Variants in MYO1H observed in about 807,000 individuals in gnomAD.
MYO1H encodes unconventional myosin-Ih.
Under a neutral mutation model 149.3 loss-of-function variants are expected in MYO1H, and 118 were observed. The observed-to-expected ratio is 0.79, with a 90% CI of 0.68 to 0.92. The LOEUF is 0.92. Among genes scored for constraint, MYO1H ranks in the 40% least tolerant of loss-of-function variants. The pLI is 0.00. For missense variants in MYO1H, 1,212 were observed against 1,280.7 expected, an observed-to-expected ratio of 0.95 and a Z score of 0.82; for synonymous variants, 447 against 465.2, an observed-to-expected ratio of 0.96 and a Z score of 0.50.
At chr12:109,429,719 G>A (rs538780795) in intron 19 of MYO1H, among the ~76,000 whole-genome samples, 10 of 152,196 alleles carry the variant, frequency 6.6e-5, no homozygotes, top group Non-Finnish European at 1.3e-4. Context: ...GTGAATCCAG[G>A]TAAGGGGAAA....
chr12:109,406,996 G>T (rs1260517623), intron 9 of MYO1H, 136 bp downstream of exon 9: 3 of 702,980 alleles, frequency 4.3e-6, no homozygotes, highest in African/African-American at 3.5e-5. Flanking sequence ...TCCAGCTCCT[G>T]TGGAGTGTCC....
At chr12:109,349,704 TA>T (rs1437755674) in intron 1 of MYO1H, among the ~76,000 whole-genome samples, 3 of 149,640 alleles carry the variant, frequency 2.0e-5, no homozygotes, top group African/African-American at 7.4e-5. Flanking sequence ...CTCATGCCTG[TA>T]ATCCCAGCAC....
the MYO1H span, among the ~76,000 whole-genome samples, chr12:109,336,664 T>G: frequency 6.6e-6 from 1 of 152,210 alleles, no homozygotes; most frequent in Non-Finnish European, 1.5e-5. Context: ...AATGAACTGT[T>G]GTCAGAGTGC....
chr12:109,350,986 C>A (rs1366054721), intron 1 of MYO1H, among the ~76,000 whole-genome samples: 1 of 99,064 alleles, frequency 1.0e-5, no homozygotes, highest in Non-Finnish European at 2.1e-5. Flanking sequence ...ATTTATGGAA[C>A]AACCACCATC....
the MYO1H span, among the ~76,000 whole-genome samples, chr12:109,342,569 G>A: frequency 3.3e-4 from 43 of 131,874 alleles, no homozygotes; most frequent in Non-Finnish European, 3.6e-4. Flanking sequence ...TTGAGACAGC[G>A]TCATGCTCTG....
the MYO1H span, among the ~76,000 whole-genome samples, chr12:109,339,457 T>C: frequency 1.3e-5 from 2 of 152,224 alleles, no homozygotes; most frequent in Non-Finnish European, 2.9e-5. Flanking sequence ...GGCAGAGTCC[T>C]TGATGAACAA....
At chr12:109,359,555 A>T (rs1259700875) in intron 1 of MYO1H, 1 of 152,144 alleles carries the variant, frequency 6.6e-6, no homozygotes, top group Non-Finnish European at 1.5e-5. Flanking sequence ...AGAACGCCCC[A>T]GCCCCTTATA....
At chr12:109,442,374 TGCAGCTGG>T (rs1872175300) in intron 27 of MYO1H, 102 bp downstream of exon 27, 1 of 968,326 alleles carries the variant, frequency 1.0e-6, no homozygotes, top group East Asian at 2.5e-5. Flanking sequence ...AATGCAGGGG[TGCAGCTGG>T]GCAGCTGGGG....
At chr12:109,420,643 C>T (rs1306510248) in intron 15 of MYO1H, among the ~76,000 whole-genome samples, 1 of 152,170 alleles carries the variant, frequency 6.6e-6, no homozygotes. Context: ...GCCCCTCTTC[C>T]AACATTGGGG....
upstream of MYO1H, among the ~76,000 whole-genome samples, chr12:109,343,159 T>A (rs994775308): frequency 5.9e-5 from 9 of 152,200 alleles, no homozygotes; most frequent in Non-Finnish European, 1.3e-4. Flanking sequence ...GTCGAAAATA[T>A]GTAGTATCAC....
At chr12:109,443,286 G>A (rs991797884) in intron 27 of MYO1H, among the ~76,000 whole-genome samples, 4 of 57,056 alleles carry the variant, frequency 7.0e-5, no homozygotes, top group Non-Finnish European at 1.5e-4. Context: ...ATATGTGTAC[G>A]TATATATGTG....
At chr12:109,421,767 G>A (rs918810185) in intron 16 of MYO1H, among the ~76,000 whole-genome samples, 2 of 152,100 alleles carry the variant, frequency 1.3e-5, no homozygotes, top group African/African-American at 2.4e-5. Flanking sequence ...GGCTGCCGAC[G>A]GAATTCCCAA....
In MYO1H at chr12:109,404,477, G is replaced by A. The variant is rs939686259; in HGVS notation, c.849+397G>A. Among the ~76,000 whole-genome samples, 6 of 152,150 alleles carry A rather than the reference G, an allele frequency of 3.9e-5. No individual in the cohort carries two copies. The East Asian group carries it at 5.8e-4, about 15-fold the overall frequency. On this transcript the variant is annotated intron_variant, in intron 7 of 31. Transcript: ENST00000310903. Reference sequence around the variant, plus strand: ...AGCCTGGGTGACAGAGCGAGACTGCGTCTCAAAAAAACAAAACCAAAAGCA... The same window carrying A: ...AGCCTGGGTGACAGAGCGAGACTGCATCTCAAAAAAACAAAACCAAAAGCA...
At chr12:109,379,729 CTTTT>C (rs35773327) in intron 1 of MYO1H, among the ~76,000 whole-genome samples, 1 of 103,464 alleles carries the variant, frequency 9.7e-6, no homozygotes, top group Non-Finnish European at 1.9e-5. Flanking sequence ...CAATTTTAAC[CTTTT>C]TTTTTTTTTT....
At chr12:109,359,908 T>G (rs1868703750) in intron 1 of MYO1H, among the ~76,000 whole-genome samples, 1 of 152,210 alleles carries the variant, frequency 6.6e-6, no homozygotes, top group South Asian at 2.1e-4. Flanking sequence ...AAGGAATGTT[T>G]GAACTCGGGA....
intron 22 of MYO1H, among the ~76,000 whole-genome samples, chr12:109,437,409 A>C (rs144480369): frequency 1.1e-3 from 160 of 152,330 alleles, no homozygotes; most frequent in African/African-American, 3.7e-3. Context: ...TTTGAAATTC[A>C]ACCAGGAGAT....
At chr12:109,420,815 C>G (rs930303605) in intron 15 of MYO1H, among the ~76,000 whole-genome samples, 166 bp from the exon 16 acceptor site, 3 of 152,140 alleles carry the variant, frequency 2.0e-5, no homozygotes, top group African/African-American at 7.2e-5. Context: ...CAGCCCCCAC[C>G]ACAAAGAACG....
At chr12:109,440,485 G>T in intron 24 of MYO1H, 1 of 425,574 alleles carries the variant, frequency 2.3e-6, no homozygotes, top group Non-Finnish European at 4.3e-6. Flanking sequence ...CACTGAGTCA[G>T]AATCTCCAGG....
chr12:109,351,775 C>T (rs979050618), intron 1 of MYO1H, among the ~76,000 whole-genome samples: 2 of 152,102 alleles, frequency 1.3e-5, no homozygotes, highest in Admixed American at 1.3e-4. Flanking sequence ...CTTCTTAAGC[C>T]GAAAACACGG....
Sources: allele counts gnomAD v4.1 joint callset (sites outside exome capture counted in the v4.1 genomes callset), GRCh38; gene constraint gnomAD v4.1.1; transcripts MANE v1.5; gene names NCBI Gene and HGNC (gene_info 2026-07-23, HGNC 2026-07-21).